The following CYYR1 variants were observed in gnomAD, a reference collection of about 807,000 sequenced individuals.
CYYR1 encodes cysteine and tyrosine rich 1, also known as cysteine and tyrosine-rich protein 1.
A neutral mutation model predicts 15.2 loss-of-function variants in CYYR1; 14 were observed. The ratio of observed to expected loss-of-function variants is 0.92; its 90% CI spans 0.61 to 1.44. The LOEUF (loss-of-function observed/expected upper bound fraction) is 1.44, where lower values mean the gene tolerates loss of function less well. CYYR1 is among the 40% of genes most tolerant of loss of function. The pLI is 0.00. For missense variants in CYYR1, 228 were observed against 209.5 expected, an observed-to-expected ratio of 1.09 and a Z score of -0.54; for synonymous variants, 80 against 77.4, an observed-to-expected ratio of 1.03 and a Z score of -0.18.
chr21:26,506,132 A>G (rs574313078), intron 2 of CYYR1, among the ~76,000 whole-genome samples: 9 of 152,118 alleles, frequency 5.9e-5, no homozygotes, highest in Non-Finnish European at 1.2e-4. Context: ...AAAGGTTCAG[A>G]TGATAGGAAG....
intron 2 of CYYR1, among the ~76,000 whole-genome samples, chr21:26,521,938 A>G (rs1417661398): frequency 6.6e-6 from 1 of 152,208 alleles, no homozygotes; most frequent in Non-Finnish European, 1.5e-5. Context: ...TCCTTCAAGA[A>G]AGGACCTGTG....
intron 2 of CYYR1, chr21:26,482,372 T>C (rs2065193262): frequency 2.0e-6 from 2 of 985,264 alleles, no homozygotes; most frequent in African/African-American, 1.7e-5. Context: ...TCAGTAGCTT[T>C]TTCATACTCA....
At chr21:26,502,659 G>A (rs987830835) in intron 2 of CYYR1, among the ~76,000 whole-genome samples, 2 of 152,004 alleles carry the variant, frequency 1.3e-5, no homozygotes, top group South Asian at 2.1e-4. Context: ...AGAGGACTCC[G>A]ATTTGTTGTA....
intron 2 of CYYR1, among the ~76,000 whole-genome samples, chr21:26,544,927 A>G (rs1340167521): frequency 6.6e-6 from 1 of 152,114 alleles, no homozygotes; most frequent in African/African-American, 2.4e-5. Context: ...AGCCTGGGCA[A>G]CAGAGTGAGA....
chr21:26,505,026 C>A (rs1420670823), intron 2 of CYYR1, among the ~76,000 whole-genome samples: 2 of 152,132 alleles, frequency 1.3e-5, no homozygotes, highest in Non-Finnish European at 2.9e-5. Flanking sequence ...AAGTTAGGAA[C>A]ATATTCAGGC....
intron 2 of CYYR1, among the ~76,000 whole-genome samples, chr21:26,526,627 G>T (rs1408396226): frequency 6.6e-6 from 1 of 152,114 alleles, no homozygotes; most frequent in Non-Finnish European, 1.5e-5. Flanking sequence ...GGTTTCAAAA[G>T]AAATAATGAA....
chr21:26,514,923 ACTTCTT>A (rs2065703064), intron 2 of CYYR1, among the ~76,000 whole-genome samples: 1 of 152,236 alleles, frequency 6.6e-6, no homozygotes, highest in Non-Finnish European at 1.5e-5. Flanking sequence ...GCTATATCAT[ACTTCTT>A]CAATAAATAT....
At chr21:26,499,904 G>T (rs1334976306) in intron 2 of CYYR1, among the ~76,000 whole-genome samples, 1 of 151,648 alleles carries the variant, frequency 6.6e-6, no homozygotes, top group Admixed American at 6.6e-5. Context: ...GGGCTTGATT[G>T]GGGAAATTTA....
rs540087748 is a variant in CYYR1 at position 26,494,751 on chromosome 21, AAGG to A, written c.177-14325_177-14323del. Among the ~76,000 whole-genome samples, 338 of 152,300 alleles carry A rather than the reference AAGG, an allele frequency of 2.2e-3. 2 individuals carry two copies. Among genetic ancestry groups the A allele is most frequent in the Non-Finnish European group, 2.7e-3 (187 of 68,030 alleles). ...TGTAATTACTATTTGTCAATTTTAAAAGGAGAAGAAAAGATTTAAAAATCAGAT... is the reference window on the plus strand; with the variant it reads ...TGTAATTACTATTTGTCAATTTTAAAAGAAGAAAAGATTTAAAAATCAGAT... On this transcript the variant is annotated intron_variant, in intron 2 of 3. Transcript: ENST00000652641.
chr21:26,473,246 AAACCCCACTACTCACAATTTTCCTT>A (rs2065058666), intron 3 of CYYR1, among the ~76,000 whole-genome samples: 1 of 152,018 alleles, frequency 6.6e-6, no homozygotes. Context: ...ACTCTCCCCC[AAACCCCACTACTCACAATTTTCCTT>A]AACCCCACCC....
At chr21:26,509,095 A>G (rs1249520502) in intron 2 of CYYR1, among the ~76,000 whole-genome samples, 1 of 152,208 alleles carries the variant, frequency 6.6e-6, no homozygotes, top group African/African-American at 2.4e-5. Flanking sequence ...CATTTCACTC[A>G]GAGTAAAAGG....
chr21:26,530,212 G>T (rs1042435146), intron 2 of CYYR1, among the ~76,000 whole-genome samples: 1 of 152,018 alleles, frequency 6.6e-6, no homozygotes, highest in Non-Finnish European at 1.5e-5. Flanking sequence ...ATCTGCTCCA[G>T]CAGCCTGAAT....
intron 2 of CYYR1, among the ~76,000 whole-genome samples, chr21:26,510,816 G>GCATTAATAAT (rs1178211255): frequency 6.6e-6 from 1 of 152,058 alleles, no homozygotes; most frequent in Non-Finnish European, 1.5e-5. Flanking sequence ...TAAAATATTA[G>GCATTAATAAT]CATTAATAAT....
At chr21:26,540,576 C>T (rs1978482004) in intron 2 of CYYR1, among the ~76,000 whole-genome samples, 4 of 152,040 alleles carry the variant, frequency 2.6e-5, no homozygotes. Context: ...GGGCATACTC[C>T]CAGCAGCCCA....
At chr21:26,490,744 A>G (rs1450026653) in intron 2 of CYYR1, among the ~76,000 whole-genome samples, 1 of 152,192 alleles carries the variant, frequency 6.6e-6, no homozygotes, top group Non-Finnish European at 1.5e-5. Context: ...GTAGAGTTCA[A>G]ACTGGAGCTT....
intron 2 of CYYR1, among the ~76,000 whole-genome samples, chr21:26,537,604 G>A (rs1459790395): frequency 3.9e-5 from 6 of 152,136 alleles, no homozygotes; most frequent in Non-Finnish European, 2.9e-5. Context: ...CTCTCTAGAA[G>A]TGTTGCACCT....
chr21:26,485,996 G>T (rs1601738534), intron 2 of CYYR1, among the ~76,000 whole-genome samples: 1 of 152,052 alleles, frequency 6.6e-6, no homozygotes, highest in Non-Finnish European at 1.5e-5. Flanking sequence ...AAGTGTAGTG[G>T]TATTTCATCA....
intron 2 of CYYR1, among the ~76,000 whole-genome samples, chr21:26,511,589 A>G (rs1418430908): frequency 1.3e-5 from 2 of 152,228 alleles, no homozygotes; most frequent in Non-Finnish European, 1.5e-5. Flanking sequence ...GGCTTTTAAA[A>G]TGGAGGGTAA....
intron 1 of CYYR1, 133 bp downstream of exon 1, chr21:26,572,735 G>C: frequency 1.8e-6 from 2 of 1,127,500 alleles, no homozygotes; most frequent in Non-Finnish European, 2.5e-6. Context: ...TCGCCTCGCG[G>C]AAAAGGCAGA....
Sources: allele counts gnomAD v4.1 joint callset (sites outside exome capture counted in the v4.1 genomes callset), GRCh38; gene constraint gnomAD v4.1.1; transcripts MANE v1.5; gene names NCBI Gene and HGNC (gene_info 2026-07-23, HGNC 2026-07-21).